ALK: variants seen among roughly 807,000 people sequenced by gnomAD.
ALK encodes the protein ALK receptor tyrosine kinase.
Under a neutral mutation model 163.1 loss-of-function variants are expected in ALK, and 74 were observed. That is an observed-to-expected ratio of 0.45 (90% CI 0.38 to 0.55). The LOEUF (loss-of-function observed/expected upper bound fraction) is 0.55, where lower values mean the gene tolerates loss of function less well. Ranked by LOEUF, ALK falls within the 20% of genes least tolerant of loss-of-function variation. The pLI is 0.00. For synonymous variants in ALK, 960 were observed against 843.2 expected (o/e 1.14, Z -2.40); for missense variants, 2,063 against 2,105.3 (o/e 0.98, Z 0.39).
chr2:29,902,641 A>G (rs1281963558), intron 1 of ALK, among the ~76,000 whole-genome samples: 1 of 152,212 alleles, frequency 6.6e-6, no homozygotes, highest in East Asian at 1.9e-4. Context: ...GAGAGGGCCC[A>G]GTAGAGCATG....
chr2:29,883,799 A>T (rs987028237), intron 1 of ALK, among the ~76,000 whole-genome samples: 2 of 152,212 alleles, frequency 1.3e-5, no homozygotes, highest in Non-Finnish European at 2.9e-5. Flanking sequence ...ATATTGGAAA[A>T]TTTTTTGGAG....
intron 3 of ALK, among the ~76,000 whole-genome samples, chr2:29,631,466 TC>T (rs1323900760): frequency 6.6e-6 from 1 of 152,232 alleles, no homozygotes; most frequent in East Asian, 1.9e-4. Context: ...CTAGATCCCA[TC>T]CTGGGACGGG....
chr2:29,752,233 C>T (rs899919966), intron 1 of ALK, among the ~76,000 whole-genome samples: 1 of 151,900 alleles, frequency 6.6e-6, no homozygotes, highest in Non-Finnish European at 1.5e-5. Flanking sequence ...ATGAGTTTGC[C>T]CAACTATAAA....
intron 1 of ALK, among the ~76,000 whole-genome samples, chr2:29,751,856 T>C (rs1361976972): frequency 3.9e-5 from 6 of 152,178 alleles, no homozygotes; most frequent in African/African-American, 1.4e-4. Context: ...TAATTAGTGG[T>C]GATGAAAATA....
Position 29,328,424 on chromosome 2 carries a change from G to T in ALK, c.1340C>A (p.Thr447Lys). 3 of 1,614,188 alleles carry T rather than the reference G, an allele frequency of 1.9e-6. No individual in the cohort carries two copies. In the South Asian group the frequency reaches 3.3e-5, roughly 18 times the overall value. Residue 447 changes from threonine (T) to lysine (K), a missense_variant, in exon 6 of 29, where the codon ACA becomes AAA. Coordinates refer to ENST00000389048, the MANE Select transcript of ALK (RefSeq NM_004304.5). The stretch of plus-strand genomic sequence containing the variant: ...ACAGGCCTGCCCAAGCTGGAGGACT[G>T]TCCCATTCCAACAAGTGAAGGAGCT... The part of the protein sequence containing the change: ...LQSSFTCWNG[T>K]VLQLGQACDF...
At chr2:29,560,162 T>C (rs982403913) in intron 3 of ALK, among the ~76,000 whole-genome samples, 10 of 152,234 alleles carry the variant, frequency 6.6e-5, no homozygotes, top group African/African-American at 2.4e-4. Context: ...CCATAGCAGC[T>C]TTATCAGTAC....
intron 3 of ALK, among the ~76,000 whole-genome samples, chr2:29,694,215 C>T (rs1678486595): frequency 6.6e-6 from 1 of 152,182 alleles, no homozygotes; most frequent in Admixed American, 6.5e-5. Context: ...TCTGAGCCTA[C>T]CTTTCCTAGG....
chr2:29,255,343 CTG>C (rs1664924274), intron 11 of ALK, among the ~76,000 whole-genome samples: 1 of 152,172 alleles, frequency 6.6e-6, no homozygotes, highest in Non-Finnish European at 1.5e-5. Flanking sequence ...TTGGCAATCT[CTG>C]AATTCAGTGT....
rs1673135318 is a variant in ALK, at chr2:29,532,055, C to T, written c.1014G>A (p.Met338Ile). The change falls in exon 4 of 29, where the codon ATG becomes ATA. Residue 338 changes from methionine (M) to isoleucine (I), a missense_variant. Physicochemically the swap from Met to Ile is conservative, Grantham distance 10 (BLOSUM62 1). This residue lies in a region of ALK where 987 missense variants were observed against 939.5 expected (regional missense o/e 1.05). Transcript: ENST00000389048. ...GTGTGCAGTGCTCACTGCTGCTCCT[C>T]ATCCACGGACTCAGGATGGTGTGCT... ...DSKHTILSPW[M>I]RSSSEHCTLA... 1 of 1,613,920 alleles carries T rather than the reference C, an allele frequency of 6.2e-7. No individual in the cohort carries two copies.
chr2:29,826,347 G>A (rs1665198789), intron 1 of ALK, among the ~76,000 whole-genome samples: 1 of 151,800 alleles, frequency 6.6e-6, no homozygotes, highest in Non-Finnish European at 1.5e-5. Context: ...TGGTGTTTGG[G>A]CTTGATCTAT....
intron 4 of ALK, among the ~76,000 whole-genome samples, chr2:29,435,839 C>T (rs79242472): frequency 7.9e-5 from 12 of 152,046 alleles, no homozygotes; most frequent in African/African-American, 2.4e-4. Flanking sequence ...AATTTTCCAC[C>T]TTTGTCTTAA....
chr2:29,335,492 A>G (rs1485983285), intron 5 of ALK, among the ~76,000 whole-genome samples: 4 of 152,148 alleles, frequency 2.6e-5, no homozygotes, highest in South Asian at 2.1e-4. Context: ...TTTTTAGACA[A>G]CAAAGAACTA....
chr2:29,344,131 T>C (rs1332697123), intron 5 of ALK, among the ~76,000 whole-genome samples: 1 of 152,194 alleles, frequency 6.6e-6, no homozygotes, highest in African/African-American at 2.4e-5. Context: ...AAAATGTGGA[T>C]GACAATCTTC....
At chr2:29,680,267 T>G (rs116406586) in intron 3 of ALK, among the ~76,000 whole-genome samples, 2,362 of 152,152 alleles carry the variant, frequency 0.016, 66 homozygotes, top group African/African-American at 0.055. Context: ...TCAAAAAAAT[T>G]TTGCCCCCCT....
chr2:29,789,708 T>C (rs1664138245), intron 1 of ALK, among the ~76,000 whole-genome samples: 1 of 152,158 alleles, frequency 6.6e-6, no homozygotes, highest in Admixed American at 6.5e-5. Context: ...TCCAGCTAAA[T>C]CTCAACCATG....
chr2:29,237,759 C>T (rs1226571860), intron 13 of ALK, among the ~76,000 whole-genome samples: 1 of 152,166 alleles, frequency 6.6e-6, no homozygotes. Context: ...ACATTTAGAA[C>T]AGACTTGGCT....
chr2:29,830,944 AAAGAAGAAGAAAAG>A (rs1488134587), intron 1 of ALK, among the ~76,000 whole-genome samples: 4 of 47,594 alleles, frequency 8.4e-5, no homozygotes, highest in African/African-American at 2.6e-4. Flanking sequence ...AAGAAGAAGA[AAAGAAGAAGAAAAG>A]AAGAAGAAGA....
rs559108329 is a variant in ALK, at chr2:29,377,467, T to C, written c.1282+6265A>G. On this transcript the variant is annotated intron_variant, in intron 5 of 28. Transcript: ENST00000389048. ...TCCAGCCTGGGCAACAGAGTGAGAC[T>C]ACATCTCAAAAAAAAAAAAAAAAAA... 1.4e-3 allele frequency among the ~76,000 whole-genome samples: 121 copies of C among 86,856 alleles called. 2 individuals are homozygous for C. The South Asian group carries it at 0.03, about 22-fold the overall frequency. 57.0% of individuals were successfully genotyped at this position (86,856 alleles called of 152,430 possible).
In ALK at chr2:29,715,969, A is replaced by AT. The variant is rs968489882; in HGVS notation, c.787+1608dup. Among the ~76,000 whole-genome samples, 43 of 151,844 alleles carry AT rather than the reference A, an allele frequency of 2.8e-4. 1 individual carries two copies. Among genetic ancestry groups the AT allele is most frequent in the Admixed American group, 1.1e-3 (16 of 15,230 alleles). ...TAAACTGCCCCAGGGTTTTTGATGGATTTTTTTTTAAGTTTAAAATATGGT... is the reference window on the plus strand; with the variant it reads ...TAAACTGCCCCAGGGTTTTTGATGGATTTTTTTTTTAAGTTTAAAATATGGT... On this transcript the variant is annotated intron_variant, in intron 2 of 28. Transcript: ENST00000389048.
Sources: gnomAD v4.1 joint callset for allele counts (sites outside exome capture counted in the v4.1 genomes callset) on GRCh38, gnomAD v4.1.1 for gene constraint, gnomAD v4.1.1 regional missense constraint, MANE v1.5 for transcripts, NCBI Gene and HGNC (gene_info 2026-07-23, HGNC 2026-07-21) for gene names.